RGS7: variants seen among roughly 807,000 people sequenced by gnomAD.
The protein encoded by RGS7 is regulator of G protein signaling 7.
Under a neutral mutation model 81.1 loss-of-function variants are expected in RGS7, and 27 were observed. The observed-to-expected ratio is 0.33, with a 90% CI of 0.25 to 0.46. The LOEUF is 0.46. Among genes scored for constraint, RGS7 ranks in the 20% least tolerant of loss-of-function variants. The pLI is 1.00. For missense variants in RGS7, 396 were observed against 607.4 expected, an observed-to-expected ratio of 0.65 and a Z score of 3.66; for synonymous variants, 208 against 207.7, an observed-to-expected ratio of 1.00 and a Z score of -0.01.
chr1:240,887,314 T>C (rs1993640), intron 6 of RGS7, among the ~76,000 whole-genome samples: 2,944 of 148,066 alleles, frequency 0.02, 94 homozygotes, highest in African/African-American at 0.072. Flanking sequence ...CTGCAAGCTC[T>C]GCCTCCTGGG....
At chr1:241,021,636 T>TG (rs2059541854) in intron 3 of RGS7, among the ~76,000 whole-genome samples, 1 of 152,030 alleles carries the variant, frequency 6.6e-6, no homozygotes, top group South Asian at 2.1e-4. Context: ...AAACCTACTC[T>TG]GGGGGGCGGT....
In RGS7 at chr1:241,215,801, CTCTT is replaced by C. The variant is rs371131858; in HGVS notation, c.79-117043_79-117040del. 1.2e-3 allele frequency among the ~76,000 whole-genome samples: 187 copies of C among 152,328 alleles called. 9 individuals are homozygous for C. In the East Asian group the frequency reaches 0.022, roughly 18 times the overall value. ...GGTTGCTTTCATTAACTTGAAAATTCTCTTTCTATTTTTCCCCAGAGTTTATAAT... is the reference window on the plus strand; with the variant it reads ...GGTTGCTTTCATTAACTTGAAAATTCTCTATTTTTCCCCAGAGTTTATAAT... On this transcript the variant is annotated intron_variant, in intron 2 of 18. Coordinates refer to ENST00000440928, the MANE Select transcript of RGS7 (RefSeq NM_001364886.1).
intron 2 of RGS7, among the ~76,000 whole-genome samples, chr1:241,273,180 C>CT (rs1398720509): frequency 4.3e-5 from 5 of 115,960 alleles, no homozygotes; most frequent in East Asian, 3.7e-4. Context: ...AATGAACCCC[C>CT]CCCCCCAAAG....
chr1:241,207,476 C>T (rs1278378897), intron 2 of RGS7, among the ~76,000 whole-genome samples: 2 of 151,878 alleles, frequency 1.3e-5, no homozygotes, highest in Non-Finnish European at 1.5e-5. Context: ...ATATTCCAGG[C>T]ACTGGAATAT....
At chr1:241,011,880 T>C (rs560763668) in intron 3 of RGS7, among the ~76,000 whole-genome samples, 26 of 152,280 alleles carry the variant, frequency 1.7e-4, no homozygotes, top group Non-Finnish European at 3.4e-4. Context: ...TAAACTAGTA[T>C]TGTACCTAAG....
chr1:241,228,909 T>A (rs1452441322), intron 2 of RGS7, among the ~76,000 whole-genome samples: 1 of 152,098 alleles, frequency 6.6e-6, no homozygotes, highest in Non-Finnish European at 1.5e-5. Context: ...TTTAATAGGA[T>A]CGTACTAACG....
At chr1:240,883,411 A>G (rs1245558838) in intron 6 of RGS7, among the ~76,000 whole-genome samples, 1 of 152,208 alleles carries the variant, frequency 6.6e-6, no homozygotes, top group Admixed American at 6.5e-5. Context: ...TCTCACGTTC[A>G]TGCGTTTTGG....
In RGS7 at chr1:240,928,632, G is replaced by C. The variant is rs186313443; in HGVS notation, c.385+2085C>G. On this transcript the variant is annotated intron_variant, in intron 6 of 18. Coordinates refer to ENST00000440928, the MANE Select transcript of RGS7 (RefSeq NM_001364886.1). The stretch of plus-strand genomic sequence containing the variant: ...TTTTTTTTTTTTTTTTTTTTTAGAC[G>C]GAGTCTCACTCTGTCATCCAGGCTA... Among the ~76,000 whole-genome samples, 12 of 144,028 alleles carry C rather than the reference G, an allele frequency of 8.3e-5. No homozygotes were observed. In the East Asian group the frequency reaches 2.4e-3, roughly 29 times the overall value. The allele number at this position is 144,028 out of a possible 152,430, so 94.5% of individuals were successfully genotyped here.
intron 3 of RGS7, among the ~76,000 whole-genome samples, chr1:241,095,662 CA>C (rs1303254952): frequency 6.6e-6 from 1 of 151,974 alleles, no homozygotes; most frequent in Non-Finnish European, 1.5e-5. Flanking sequence ...CAAAACAAAA[CA>C]AGAAACAAAT....
intron 9 of RGS7, among the ~76,000 whole-genome samples, chr1:240,847,566 A>G (rs1659320868): frequency 6.6e-6 from 1 of 152,208 alleles, no homozygotes; most frequent in African/African-American, 2.4e-5. Context: ...AAGAGAAGTG[A>G]GAATTTTTAT....
chr1:241,061,642 G>C (rs772421925), intron 3 of RGS7, among the ~76,000 whole-genome samples: 1 of 152,166 alleles, frequency 6.6e-6, no homozygotes, highest in Non-Finnish European at 1.5e-5. Context: ...AGGCAGGGGA[G>C]AGTAGGGAAC....
intron 3 of RGS7, among the ~76,000 whole-genome samples, chr1:241,039,683 C>T (rs2060505331): frequency 6.6e-6 from 1 of 152,040 alleles, no homozygotes; most frequent in Admixed American, 6.6e-5. Flanking sequence ...AAATGGGCTG[C>T]TTTCTAGGCC....
At chr1:241,312,958 G>C (rs893163418) in intron 2 of RGS7, among the ~76,000 whole-genome samples, 2 of 152,016 alleles carry the variant, frequency 1.3e-5, no homozygotes, top group Non-Finnish European at 2.9e-5. Flanking sequence ...TGCTGATATG[G>C]AGAAAGTTTT....
rs548932038 is a variant in RGS7 at position 240,832,039 on chromosome 1, G to T, written c.610-4867C>A. On this transcript the variant is annotated intron_variant, in intron 9 of 18. Transcript: ENST00000440928. Reference sequence around the variant, plus strand: ...TTAAGCAATTTTTCAATCTCGATGAGACCATGTTGTCTTTGGTTATTTAAA... The same window carrying T: ...TTAAGCAATTTTTCAATCTCGATGATACCATGTTGTCTTTGGTTATTTAAA... Among the ~76,000 whole-genome samples the T allele has an allele frequency of 5.9e-5, 9 of 152,114 alleles. 1 individual carries two copies. In the South Asian group the frequency reaches 1.9e-3, roughly 32 times the overall value.
At position 241,213,819 on chromosome 1, in the gene RGS7, T is replaced by C. The variant is rs146548014; in HGVS notation, c.79-115057A>G. On this transcript the variant is annotated intron_variant, in intron 2 of 18. Coordinates refer to ENST00000440928, the MANE Select transcript of RGS7 (RefSeq NM_001364886.1). ...TCACTCTGATGCCCAGGCTGGAGTGTAGCAGTGCAATCACTGCTCACTGCA... is the reference window on the plus strand; with the variant it reads ...TCACTCTGATGCCCAGGCTGGAGTGCAGCAGTGCAATCACTGCTCACTGCA... 9.8e-5 allele frequency among the ~76,000 whole-genome samples: 15 copies of C among 152,288 alleles called. No homozygotes were observed. In the East Asian group the frequency reaches 2.5e-3, roughly 25 times the overall value.
rs184618810 is a variant in RGS7 at position 241,259,023 on chromosome 1, C to A, written c.78+96676G>T. ...AAAATTGTAGAGAGATACAGGTATG[C>A]GCCCCAGTTCCTGCCCCTCCCTTTC... On this transcript the variant is annotated intron_variant, in intron 2 of 18. Coordinates refer to ENST00000440928, the MANE Select transcript of RGS7 (RefSeq NM_001364886.1). Among the ~76,000 whole-genome samples, 5 of 152,214 alleles carry A rather than the reference C, an allele frequency of 3.3e-5. No homozygotes were observed. The East Asian group carries it at 9.7e-4, about 29-fold the overall frequency.
intron 10 of RGS7, among the ~76,000 whole-genome samples, chr1:240,825,781 A>G (rs1360226064): frequency 6.6e-6 from 1 of 152,226 alleles, no homozygotes. Flanking sequence ...CATGTGAAAC[A>G]CGAGAAAGAT....
At chr1:241,134,599 C>A (rs1314892616) in intron 2 of RGS7, among the ~76,000 whole-genome samples, 1 of 152,132 alleles carries the variant, frequency 6.6e-6, no homozygotes, top group Non-Finnish European at 1.5e-5. Flanking sequence ...ACACCTACGC[C>A]ATAGAAGCGG....
At chr1:240,838,482 C>T (rs1243139761) in intron 9 of RGS7, among the ~76,000 whole-genome samples, 1 of 152,138 alleles carries the variant, frequency 6.6e-6, no homozygotes, top group Non-Finnish European at 1.5e-5. Flanking sequence ...AGCAAAATCT[C>T]TGTAAAGAAG....
Sources: gnomAD v4.1 joint callset for allele counts (sites outside exome capture counted in the v4.1 genomes callset) on GRCh38, gnomAD v4.1.1 for gene constraint, MANE v1.5 for transcripts, NCBI Gene and HGNC (gene_info 2026-07-23, HGNC 2026-07-21) for gene names.